Variants in DGKB observed in about 807,000 individuals in gnomAD.
The protein encoded by DGKB is diacylglycerol kinase beta.
Under a neutral mutation model 114.3 loss-of-function variants are expected in DGKB, and 67 were observed. That is an observed-to-expected ratio of 0.59 (90% confidence interval 0.48 to 0.72). The LOEUF (loss-of-function observed/expected upper bound fraction) is 0.72. Ranked by LOEUF, DGKB falls within the 30% of genes least tolerant of loss-of-function variation. The pLI is 0.00. For synonymous variants in DGKB, 398 were observed against 323.1 expected, an observed-to-expected ratio of 1.23 and a Z score of -2.49; for missense variants, 907 against 975.2, an observed-to-expected ratio of 0.93 and a Z score of 0.93.
chr7:14,545,234 A>T (rs951371479), intron 20 of DGKB, among the ~76,000 whole-genome samples: 1 of 152,144 alleles, frequency 6.6e-6, no homozygotes, highest in African/African-American at 2.4e-5. Context: ...TGCAAAAGAC[A>T]ACTCGGGGGA....
intron 2 of DGKB, among the ~76,000 whole-genome samples, chr7:14,819,671 T>C (rs1198331787): frequency 1.3e-5 from 2 of 152,182 alleles, no homozygotes; most frequent in Admixed American, 1.3e-4. Flanking sequence ...ATTACCCACA[T>C]TTTACGAATG....
chr7:14,193,187 A>C (rs369776743), intron 23 of DGKB, among the ~76,000 whole-genome samples: 4,556 of 152,144 alleles, frequency 0.03, 93 homozygotes, highest in African/African-American at 0.047. Flanking sequence ...AAAAAAAAAA[A>C]AACAACTATA....
chr7:14,518,847 G>A (rs1053270207), intron 20 of DGKB, among the ~76,000 whole-genome samples: 1 of 152,024 alleles, frequency 6.6e-6, no homozygotes, highest in Non-Finnish European at 1.5e-5. Flanking sequence ...ATCACCCAGA[G>A]CTTGTTAAAA....
rs138653688 is a variant in DGKB at position 14,956,609 on chromosome 7, G to C, written c.-188+18087C>G. Among the ~76,000 whole-genome samples the C allele has an allele frequency of 6.6e-5, 10 of 152,092 alleles. No individual in the cohort carries two copies. The East Asian group carries it at 1.9e-3, about 30-fold the overall frequency. On this transcript the variant is annotated intron_variant, in intron 1 of 4. Transcript: ENST00000437998. The stretch of plus-strand genomic sequence containing the variant: ...AGTATCAAAGAGGCTACATGAATAA[G>C]ACAGCTTCTTAACCTCTAGAAGCTC...
intron 1 of DGKB, among the ~76,000 whole-genome samples, chr7:14,954,447 C>T (rs998397569): frequency 1.3e-5 from 2 of 151,994 alleles, no homozygotes; most frequent in Non-Finnish European, 2.9e-5. Context: ...TAAGTTAAAG[C>T]AAATCATTAA....
intron 23 of DGKB, among the ~76,000 whole-genome samples, chr7:14,302,762 C>G (rs7797910): frequency 8.8e-4 from 134 of 152,136 alleles, no homozygotes; most frequent in African/African-American, 3.1e-3. Flanking sequence ...TGCTCCATAT[C>G]GCCTTGTTTA....
chr7:14,292,224 C>T (rs1003544732), intron 23 of DGKB, among the ~76,000 whole-genome samples: 5 of 152,036 alleles, frequency 3.3e-5, no homozygotes, highest in Non-Finnish European at 7.4e-5. Context: ...TTCTCATTTA[C>T]GCGTTTTCAT....
chr7:14,182,319 TTAA>T (rs1438337076), intron 23 of DGKB, among the ~76,000 whole-genome samples: 2 of 151,784 alleles, frequency 1.3e-5, no homozygotes, highest in African/African-American at 2.4e-5. Flanking sequence ...TTTTAATTTG[TTAA>T]TAAGAAAGCA....
At chr7:14,654,011 C>T (rs1815233040) in intron 13 of DGKB, among the ~76,000 whole-genome samples, 1 of 152,020 alleles carries the variant, frequency 6.6e-6, no homozygotes, top group South Asian at 2.1e-4. Flanking sequence ...TCTTATTCAA[C>T]ATACTACTAG....
At chr7:14,262,000 G>GC (rs1228803392) in intron 23 of DGKB, among the ~76,000 whole-genome samples, 1 of 152,198 alleles carries the variant, frequency 6.6e-6, no homozygotes, top group East Asian at 1.9e-4. Flanking sequence ...ACGCACTGCA[G>GC]AAGACTTTGA....
chr7:14,214,886 TTA>T (rs1223776039), intron 23 of DGKB, among the ~76,000 whole-genome samples: 11 of 152,244 alleles, frequency 7.2e-5, no homozygotes, highest in Non-Finnish European at 1.2e-4. Context: ...CTCACCAGTT[TTA>T]GAGTCAGAGT....
intron 22 of DGKB, among the ~76,000 whole-genome samples, chr7:14,343,735 G>A (rs1003891813): frequency 1.3e-5 from 2 of 150,490 alleles, no homozygotes; most frequent in African/African-American, 2.4e-5. Flanking sequence ...TTGAGGATAA[G>A]AAATATTCAA....
intron 21 of DGKB, among the ~76,000 whole-genome samples, chr7:14,425,798 T>C (rs927101787): frequency 5.9e-5 from 9 of 152,118 alleles, no homozygotes; most frequent in African/African-American, 2.2e-4. Context: ...ATTAATAGTA[T>C]CTTCTTTGGT....
chr7:14,801,392 T>G (rs968582022), intron 2 of DGKB, among the ~76,000 whole-genome samples: 13 of 152,136 alleles, frequency 8.5e-5, no homozygotes, highest in Non-Finnish European at 1.8e-4. Context: ...GCTTTGTGTG[T>G]CAATTTGACT....
intron 8 of DGKB, among the ~76,000 whole-genome samples, chr7:14,695,493 T>A: frequency 8.5e-6 from 1 of 117,790 alleles, no homozygotes. Flanking sequence ...TCTCTCTCTC[T>A]CTTTTTTTTT....
At chr7:14,878,775 A>C (rs917837799) in intron 1 of DGKB, among the ~76,000 whole-genome samples, 16 of 151,728 alleles carry the variant, frequency 1.1e-4, no homozygotes, top group Non-Finnish European at 2.2e-4. Context: ...AAAACAAAAA[A>C]AAAAAACCAA....
intron 19 of DGKB, among the ~76,000 whole-genome samples, chr7:14,578,535 G>T (rs764240194): frequency 1.3e-5 from 2 of 152,064 alleles, no homozygotes; most frequent in Non-Finnish European, 2.9e-5. Context: ...TGCTCAACTT[G>T]GGCATCTTGA....
intron 21 of DGKB, among the ~76,000 whole-genome samples, chr7:14,475,177 A>T (rs1274151610): frequency 6.6e-6 from 1 of 152,144 alleles, no homozygotes; most frequent in Admixed American, 6.5e-5. Flanking sequence ...TATTAATGGC[A>T]TGTGATTTAT....
chr7:14,923,292 T>A (rs1350439977), intron 1 of DGKB, among the ~76,000 whole-genome samples: 4 of 152,182 alleles, frequency 2.6e-5, no homozygotes, highest in Non-Finnish European at 5.9e-5. Flanking sequence ...GTGTTATATC[T>A]TCAGTTATTC....
Sources: gnomAD v4.1 joint callset for allele counts (sites outside exome capture counted in the v4.1 genomes callset) on GRCh38, gnomAD v4.1.1 for gene constraint, MANE v1.5 for transcripts, NCBI Gene and HGNC (gene_info 2026-07-23, HGNC 2026-07-21) for gene names.